The following DPP10 variants were observed in gnomAD, a reference collection of about 807,000 sequenced individuals.
The protein encoded by DPP10 is inactive dipeptidyl peptidase 10.
In DPP10, 33 loss-of-function variants were observed where a neutral mutation model predicts 120.9. The ratio of observed to expected loss-of-function variants is 0.27; its 90% CI spans 0.21 to 0.37. The LOEUF is 0.37. DPP10 is among the 10% of genes least tolerant of loss of function. The pLI, the probability that DPP10 is intolerant of heterozygous loss-of-function variation, is 1.00. For missense variants in DPP10, 816 were observed against 942.8 expected (o/e 0.87, Z 1.76); for synonymous variants, 337 against 326.1 (o/e 1.03, Z -0.36).
intron 3 of DPP10, among the ~76,000 whole-genome samples, chr2:115,350,840 C>A (rs1004700834): frequency 6.6e-6 from 1 of 151,996 alleles, no homozygotes; most frequent in Non-Finnish European, 1.5e-5. Flanking sequence ...GTACCCTAGC[C>A]CCCAAAGGGT....
chr2:115,817,108 C>T lies in DPP10; in HGVS notation c.1950+1379C>T, dbSNP rs574297833. ...CTAAAACTACTAAAAATTACCCGGG[C>T]GTGGTGGCGGGCGCCTGTAGTCCCA... On this transcript the variant is annotated intron_variant, in intron 21 of 25. Transcript: ENST00000410059. Among the ~76,000 whole-genome samples, 421 of 151,606 alleles carry T rather than the reference C, an allele frequency of 2.8e-3. 1 individual carries two copies. Among genetic ancestry groups the T allele is most frequent in the Non-Finnish European group, 5.1e-3 (347 of 67,896 alleles).
chr2:115,144,919 C>T (rs777441486), intron 1 of DPP10: 1 of 152,110 alleles, frequency 6.6e-6, no homozygotes, highest in Non-Finnish European at 1.5e-5. Flanking sequence ...GCTTTTGTCT[C>T]TCGCCAGTGC....
chr2:115,194,285 C>A (rs1378804925), intron 1 of DPP10, among the ~76,000 whole-genome samples: 5 of 151,906 alleles, frequency 3.3e-5, no homozygotes, highest in African/African-American at 1.2e-4. Flanking sequence ...AGTGCAATGG[C>A]GTGATCTCGG....
intron 1 of DPP10, among the ~76,000 whole-genome samples, chr2:114,532,172 C>T (rs1173308591): frequency 6.7e-6 from 1 of 149,792 alleles, no homozygotes; most frequent in African/African-American, 2.5e-5. Context: ...CACCAGCTTT[C>T]CTAGTTCTCC....
In DPP10 at chr2:114,455,731, T is replaced by A. The variant is rs1449788667; in HGVS notation, c.60+12893T>A. ...GTCTCATACCCACAAATTCATTTGT[T>A]TTTTTTTTTTTTTACCATTTTCATG... On this transcript the variant is annotated intron_variant, in intron 1 of 25. Transcript: ENST00000410059. Among the ~76,000 whole-genome samples, 662 of 148,432 alleles carry A rather than the reference T, an allele frequency of 4.5e-3. 6 individuals are homozygous for A. Among genetic ancestry groups the A allele is most frequent in the African/African-American group, 0.016 (637 of 40,618 alleles).
chr2:115,149,147 G>T (rs1312289659), intron 1 of DPP10, among the ~76,000 whole-genome samples: 1 of 152,150 alleles, frequency 6.6e-6, no homozygotes, highest in Non-Finnish European at 1.5e-5. Context: ...GCAAGTGGCA[G>T]CAGGAACCTT....
intron 3 of DPP10, among the ~76,000 whole-genome samples, chr2:115,459,481 TTTCTAACC>T (rs2073849331): frequency 6.6e-6 from 1 of 152,122 alleles, no homozygotes; most frequent in Non-Finnish European, 1.5e-5. Flanking sequence ...AATATAAAGT[TTTCTAACC>T]ACATGAAAGA....
intron 12 of DPP10, 38 bp downstream of exon 12, chr2:115,762,648 G>A (rs1680256136): frequency 6.2e-7 from 1 of 1,609,888 alleles, no homozygotes; most frequent in Non-Finnish European, 8.5e-7. Context: ...TGGCCATTGT[G>A]ACCATCCTGT....
intron 1 of DPP10, among the ~76,000 whole-genome samples, chr2:114,468,397 C>CAAAAAAAAAAAAAAAAAA (rs71297186): frequency 1.0e-4 from 7 of 69,552 alleles, no homozygotes; most frequent in South Asian, 6.9e-4. Flanking sequence ...GCTTACAATG[C>CAAAAAAAAAAAAAAAAAA]AAAAAAAAAA....
intron 1 of DPP10, among the ~76,000 whole-genome samples, chr2:115,129,740 T>C (rs2050246439): frequency 6.6e-6 from 1 of 152,204 alleles, no homozygotes. Flanking sequence ...CTTCTCATAG[T>C]GTTGTCAGGA....
At chr2:115,102,045 A>G (rs3930619) in intron 1 of DPP10, among the ~76,000 whole-genome samples, 54,519 of 152,134 alleles carry the variant, frequency 0.36, 10,911 homozygotes, top group Non-Finnish European at 0.44. Flanking sequence ...TAGGGCTGCT[A>G]TAACAAAATA....
chr2:115,350,302 A>G (rs1238220848), intron 3 of DPP10, among the ~76,000 whole-genome samples: 2 of 152,174 alleles, frequency 1.3e-5, no homozygotes, highest in East Asian at 3.8e-4. Context: ...AGTATATGCA[A>G]AGAAAATAAT....
chr2:115,771,224 G>A (rs540984399), intron 13 of DPP10, among the ~76,000 whole-genome samples: 7 of 151,948 alleles, frequency 4.6e-5, no homozygotes, highest in East Asian at 1.9e-4. Context: ...ACAGGCACCC[G>A]CCATCATGCC....
At chr2:115,504,270 G>T in intron 4 of DPP10, among the ~76,000 whole-genome samples, 1 of 107,540 alleles carries the variant, frequency 9.3e-6, no homozygotes, top group African/African-American at 3.5e-5. Context: ...TTTGGCTATT[G>T]CCAACTTTTT....
intron 3 of DPP10, among the ~76,000 whole-genome samples, chr2:115,483,898 C>T (rs148915651): frequency 1.3e-5 from 2 of 152,028 alleles, no homozygotes; most frequent in East Asian, 3.9e-4. Flanking sequence ...CATGTTTTTC[C>T]CCCTCTCAGT....
At chr2:114,726,546 T>C (rs1450184841) in intron 1 of DPP10, among the ~76,000 whole-genome samples, 1 of 152,392 alleles carries the variant, frequency 6.6e-6, no homozygotes, top group East Asian at 1.9e-4. Flanking sequence ...AATTTAATCA[T>C]ATTCATTTTT....
intron 1 of DPP10, among the ~76,000 whole-genome samples, chr2:114,839,952 G>T (rs967463739): frequency 6.6e-6 from 1 of 152,100 alleles, no homozygotes. Flanking sequence ...TTTTATGCAT[G>T]AAAAAAGCAA....
intron 1 of DPP10, among the ~76,000 whole-genome samples, chr2:114,482,261 G>A (rs1681126649): frequency 6.6e-6 from 1 of 152,122 alleles, no homozygotes; most frequent in African/African-American, 2.4e-5. Context: ...GCTTGCTAGG[G>A]GTTAGCTGTG....
At chr2:115,679,722 A>C (rs2090518745) in intron 5 of DPP10, among the ~76,000 whole-genome samples, 1 of 152,228 alleles carries the variant, frequency 6.6e-6, no homozygotes, top group Non-Finnish European at 1.5e-5. Context: ...AAGACATTAT[A>C]TTAAGTGAAA....
Sources: gnomAD v4.1 joint callset for allele counts (sites outside exome capture counted in the v4.1 genomes callset) on GRCh38, gnomAD v4.1.1 for gene constraint, MANE v1.5 for transcripts, NCBI Gene and HGNC (gene_info 2026-07-23, HGNC 2026-07-21) for gene names.